H1-4: variants seen among roughly 807,000 people sequenced by gnomAD.
H1-4 encodes the protein H1.4 linker histone, cluster member, also known as histone H1.4.
A neutral mutation model predicts 7.2 loss-of-function variants in H1-4; 9 were observed. That is an observed-to-expected ratio of 1.25 (90% CI 0.75 to 2.18). The LOEUF (loss-of-function observed/expected upper bound fraction) is 2.18, where lower values mean the gene tolerates loss of function less well. Ranked by LOEUF, H1-4 falls within the 30% of genes most tolerant of loss-of-function variation. The pLI, the probability that H1-4 is intolerant of heterozygous loss-of-function variation, is 0.00. For synonymous variants in H1-4, 318 were observed against 126.6 expected, an observed-to-expected ratio of 2.51 and a Z score of -10.15; for missense variants, 646 against 287.9, an observed-to-expected ratio of 2.24 and a Z score of -9.00.
Position 26,156,803 on chromosome 6 carries a change from C to G in H1-4, c.413C>G (p.Pro138Arg). The change falls in exon 1 of 1, where the codon CCC (proline) becomes CGC (arginine). Residue 138 changes from proline to arginine, a missense_variant. Coordinates refer to ENST00000304218, the MANE Select transcript of H1-4 (RefSeq NM_005321.3). The part of the protein sequence containing the change: ...AKKPAGAAKK[P>R]KKATGAATPK... ...AAGCCAGCAGGAGCGGCGAAGAAGC[C>G]CAAGAAGGCGACGGGGGCGGCCACC... 3 of 1,610,086 alleles carry G rather than the reference C, an allele frequency of 1.9e-6. No homozygotes were observed. The highest frequency in any genetic ancestry group is 2.2e-5 in the South Asian group (2 of 90,818).
Position 26,156,756 on chromosome 6 carries a change from GGCAGGCGCGGCCAAGGCCAAGAAGCCA to G in H1-4, c.372_398del (p.Ala128_Lys136del), listed in dbSNP as rs1561965685. 1.2e-6 allele frequency: 2 copies of G among 1,613,734 alleles called. No individual in the cohort carries two copies. Among genetic ancestry groups the G allele is most frequent in the East Asian group, 2.2e-5 (1 of 44,864 alleles). ...GGGAAGCCAAGCCTAAGGCTAAAAA[GGCAGGCGCGGCCAAGGCCAAGAAGCCA>G]GCAGGAGCGGCGAAGAAGCCCAAGA... On this transcript the variant is annotated inframe_deletion, in exon 1 of 1. Transcript: ENST00000304218.
In H1-4 at chr6:26,156,963, C is replaced by G; in HGVS notation, c.573C>G (p.Ala191=). ...AGGCGCCCAAGAGCCCAGCGAAGGC[C>G]AAAGCAGTTAAACCCAAGGCGGCTA... ...PKKAPKSPAK[A]KAVKPKAAKP... Residue 191 remains alanine, a synonymous_variant, in exon 1 of 1, where the codon GCC becomes GCG. Coordinates refer to ENST00000304218, the MANE Select transcript of H1-4 (RefSeq NM_005321.3). 1 of 1,612,438 alleles carries G rather than the reference C, an allele frequency of 6.2e-7. No homozygotes were observed. The highest frequency in any genetic ancestry group is 8.5e-7 in the Non-Finnish European group (1 of 1,179,892).
At position 26,156,576 on chromosome 6, in the gene H1-4, C is replaced by T. The variant is rs200756277; in HGVS notation, c.186C>T (p.Leu62=). 1.7e-5 allele frequency: 28 copies of T among 1,614,074 alleles called. No homozygotes were observed. In the Admixed American group the frequency reaches 2.2e-4, roughly 12 times the overall value. ...GCAGCGGCGTATCTTTGGCCGCTCT[C>T]AAGAAAGCGCTGGCAGCCGCTGGCT... The part of the protein sequence containing the change: ...KERSGVSLAA[L]KKALAAAGYD... The change falls in exon 1 of 1, where the codon CTC becomes CTT. Residue 62 remains leucine (L), a synonymous_variant. Coordinates refer to ENST00000304218, the MANE Select transcript of H1-4 (RefSeq NM_005321.3).
chr6:26,156,789 A>T lies in H1-4; in HGVS notation c.399A>T (p.Gly133=). Residue 133 remains glycine (G), a synonymous_variant, in exon 1 of 1, where the codon GGA becomes GGT. Coordinates refer to ENST00000304218, the MANE Select transcript of H1-4 (RefSeq NM_005321.3). ...CGGCCAAGGCCAAGAAGCCAGCAGG[A>T]GCGGCGAAGAAGCCCAAGAAGGCGA... is the stretch of plus-strand genomic sequence containing the variant. ...AGAAKAKKPA[G]AAKKPKKATG... is the part of the protein sequence containing the mutation. The T allele has an allele frequency of 6.2e-7, 1 of 1,611,938 alleles. No homozygotes were observed. Among genetic ancestry groups the T allele is most frequent in the Middle Eastern group, 1.7e-4 (1 of 5,880 alleles).
Position 26,156,900 on chromosome 6 carries a change from G to C in H1-4, c.510G>C (p.Ala170=). Reference sequence around the variant, plus strand: ...CTGCAGCTGCTGGAGCCAAAAAAGCGAAAAGCCCGAAAAAGGCGAAAGCAG... The same window carrying C: ...CTGCAGCTGCTGGAGCCAAAAAAGCCAAAAGCCCGAAAAAGGCGAAAGCAG... ...KPAAAAGAKK[A]KSPKKAKAAK... The change falls in exon 1 of 1, where the codon GCG becomes GCC. Residue 170 remains alanine (A), a synonymous_variant. Transcript: ENST00000304218. 1 of 1,606,652 alleles carries C rather than the reference G, an allele frequency of 6.2e-7. No homozygotes were observed. Among genetic ancestry groups the C allele is most frequent in the Non-Finnish European group, 8.5e-7 (1 of 1,177,538 alleles).
rs919941742 is a variant in H1-4, at chr6:26,156,544, A to C, written c.154A>C (p.Lys52Gln). 6.2e-7 allele frequency: 1 copy of C among 1,614,018 alleles called. No individual in the cohort carries two copies. The highest frequency in any genetic ancestry group is 8.5e-7 in the Non-Finnish European group (1 of 1,180,020). The change falls in exon 1 of 1, where the codon AAG (lysine) becomes CAG (glutamine). Residue 52 changes from lysine (K) to glutamine (Q), a missense_variant. Lys to Gln is a moderately conservative substitution (Grantham distance 53). Transcript: ENST00000304218. ...ELITKAVAASKERSGVSLAAL... is the reference protein window; with the variant it reads ...ELITKAVAASQERSGVSLAAL... ...CATTACTAAAGCTGTTGCCGCCTCC[A>C]AGGAGCGCAGCGGCGTATCTTTGGC...
At position 26,156,784 on chromosome 6, in the gene H1-4, G is replaced by A. The variant is rs952833782; in HGVS notation, c.394G>A (p.Ala132Thr). 3 of 1,612,170 alleles carry A rather than the reference G, an allele frequency of 1.9e-6. No individual in the cohort carries two copies. The highest frequency in any genetic ancestry group is 1.7e-6 in the Non-Finnish European group (2 of 1,179,204). ...AGGCGCGGCCAAGGCCAAGAAGCCA[G>A]CAGGAGCGGCGAAGAAGCCCAAGAA... ...KAGAAKAKKPAGAAKKPKKAT... is the reference protein window; with the variant it reads ...KAGAAKAKKPTGAAKKPKKAT... The change falls in exon 1 of 1, where the codon GCA (alanine) becomes ACA (threonine). Residue 132 changes from alanine to threonine, a missense_variant. Ala to Thr is a moderately conservative substitution (Grantham distance 58). Transcript: ENST00000304218.
Position 26,156,488 on chromosome 6 carries a change from G to A in H1-4, c.98G>A (p.Arg33His), listed in dbSNP as rs1388499417. ...KARKSAGAAKRKASGPPVSEL... is the reference protein window; with the variant it reads ...KARKSAGAAKHKASGPPVSEL... ...CGCAAGTCTGCAGGTGCGGCCAAGC[G>A]CAAAGCGTCTGGGCCCCCGGTGTCC... Residue 33 changes from arginine (R) to histidine (H), a missense_variant, in exon 1 of 1, where the codon CGC becomes CAC. Physicochemically the swap from Arg to His is conservative, Grantham distance 29 (BLOSUM62 0). Coordinates refer to ENST00000304218, the MANE Select transcript of H1-4 (RefSeq NM_005321.3). 4 of 1,613,458 alleles carry A rather than the reference G, an allele frequency of 2.5e-6. No homozygotes were observed. The highest frequency in any genetic ancestry group is 3.4e-6 in the Non-Finnish European group (4 of 1,179,894).
At position 26,157,010 on chromosome 6, in the gene H1-4, A is replaced by AGGCAGCCAAGCCAAAGAAGGC. The variant is rs1764207310; in HGVS notation, c.631_651dup (p.Pro211_Lys217dup). The stretch of plus-strand genomic sequence containing the variant: ...GCTAAACCAAAGACCGCCAAGCCCA[A>AGGCAGCCAAGCCAAAGAAGGC]GGCAGCCAAGCCAAAGAAGGCGGCA... On this transcript the variant is annotated inframe_insertion, in exon 1 of 1. Transcript: ENST00000304218. 1.9e-6 allele frequency: 3 copies of AGGCAGCCAAGCCAAAGAAGGC among 1,590,586 alleles called. No homozygotes were observed. Among genetic ancestry groups the AGGCAGCCAAGCCAAAGAAGGC allele is most frequent in the Non-Finnish European group, 2.6e-6 (3 of 1,174,348 alleles).
At position 26,156,867 on chromosome 6, in the gene H1-4, G is replaced by A; in HGVS notation, c.477G>A (p.Lys159=). The change falls in exon 1 of 1, where the codon AAG becomes AAA. Residue 159 remains lysine, a synonymous_variant. Transcript: ENST00000304218. ...KSAKKTPKKA[K]KPAAAAGAKK... ...CCAAGAAGACCCCAAAGAAGGCGAA[G>A]AAGCCGGCTGCAGCTGCTGGAGCCA... The A allele has an allele frequency of 2.5e-6, 4 of 1,607,786 alleles. No individual in the cohort carries two copies. The highest frequency in any genetic ancestry group is 1.1e-5 in the South Asian group (1 of 90,698).
chr6:26,157,080 CCAACA>C lies in H1-4; in HGVS notation c.*35_*39del, dbSNP rs768164650. The C allele has an allele frequency of 6.4e-7, 1 of 1,565,580 alleles. No homozygotes were observed. The highest frequency in any genetic ancestry group is 1.2e-5 in the South Asian group (1 of 82,600). ...TTCCTTTGGCCAACTGCTTAGAAGC[CCAACA>C]CAACCCAAAGGCTCTTTTCAGAGCC... On this transcript the variant is annotated 3_prime_UTR_variant, in exon 1 of 1. Transcript: ENST00000304218.
chr6:26,156,728 C>G lies in H1-4; in HGVS notation c.338C>G (p.Ser113Cys), dbSNP rs1249170384. The G allele has an allele frequency of 6.2e-7, 1 of 1,614,056 alleles. No homozygotes were observed. Among genetic ancestry groups the G allele is most frequent in the African/African-American group, 1.3e-5 (1 of 74,942 alleles). Residue 113 changes from serine to cysteine, a missense_variant, in exon 1 of 1, where the codon TCT (serine) becomes TGT (cysteine). Coordinates refer to ENST00000304218, the MANE Select transcript of H1-4 (RefSeq NM_005321.3). ...TTCAAACTCAACAAGAAGGCGGCCT[C>G]TGGGGAAGCCAAGCCTAAGGCTAAA... ...GSFKLNKKAASGEAKPKAKKA... is the reference protein window; with the variant it reads ...GSFKLNKKAACGEAKPKAKKA...
In H1-4 at chr6:26,156,420, T is replaced by A; in HGVS notation, c.30T>A (p.Ala10=). 6.3e-7 allele frequency: 1 copy of A among 1,592,686 alleles called. No individual in the cohort carries two copies. Among genetic ancestry groups the A allele is most frequent in the Non-Finnish European group, 8.6e-7 (1 of 1,169,138 alleles). Residue 10 remains alanine (A), a synonymous_variant, in exon 1 of 1, where the codon GCT becomes GCA. Transcript: ENST00000304218. Reference sequence around the variant, plus strand: ...CCGAGACTGCGCCTGCCGCGCCCGCTGCTCCGGCCCCTGCCGAGAAGACTC... The same window carrying A: ...CCGAGACTGCGCCTGCCGCGCCCGCAGCTCCGGCCCCTGCCGAGAAGACTC... MSETAPAAP[A]APAPAEKTPV...
In H1-4 at chr6:26,156,542, C is replaced by T. The variant is rs1764175922; in HGVS notation, c.152C>T (p.Ser51Phe). 1.2e-6 allele frequency: 2 copies of T among 1,614,126 alleles called. No homozygotes were observed. The highest frequency in any genetic ancestry group is 1.7e-6 in the Non-Finnish European group (2 of 1,180,018). ...SELITKAVAASKERSGVSLAA... is the reference protein window; with the variant it reads ...SELITKAVAAFKERSGVSLAA... The stretch of plus-strand genomic sequence containing the variant: ...CTCATTACTAAAGCTGTTGCCGCCT[C>T]CAAGGAGCGCAGCGGCGTATCTTTG... The change falls in exon 1 of 1, where the codon TCC becomes TTC. Residue 51 changes from serine to phenylalanine, a missense_variant. Physicochemically the swap from Ser to Phe is radical, Grantham distance 155 (BLOSUM62 -2). Coordinates refer to ENST00000304218, the MANE Select transcript of H1-4 (RefSeq NM_005321.3).
Position 26,156,345 on chromosome 6 carries a change from C to T in H1-4, c.-46C>T, listed in dbSNP as rs774359672. The T allele has an allele frequency of 2.5e-5, 38 of 1,497,422 alleles. No individual in the cohort carries two copies. Among genetic ancestry groups the T allele is most frequent in the East Asian group, 9.1e-5 (4 of 44,002 alleles). The allele number at this position is 1,497,422 out of a possible 1,614,324, so 92.8% of individuals were successfully genotyped here. On this transcript the variant is annotated 5_prime_UTR_variant, in exon 1 of 1. Coordinates refer to ENST00000304218, the MANE Select transcript of H1-4 (RefSeq NM_005321.3). ...GCCGCGGCTCGAGTCCCGGCCAGTG[C>T]CTCTGCTTCCGGCTCGAATTGCTCT...
rs561949254 is a variant in H1-4 at position 26,156,638 on chromosome 6, G to T, written c.248G>T (p.Gly83Val). The change falls in exon 1 of 1, where the codon GGT becomes GTT. Residue 83 changes from glycine (G) to valine (V), a missense_variant. Coordinates refer to ENST00000304218, the MANE Select transcript of H1-4 (RefSeq NM_005321.3). The part of the protein sequence containing the change: ...VEKNNSRIKL[G>V]LKSLVSKGTL... ...AAGAACAACAGCCGCATCAAGCTGG[G>T]TCTCAAGAGCCTGGTGAGCAAGGGC... The T allele has an allele frequency of 1.2e-6, 2 of 1,614,268 alleles. No individual in the cohort carries two copies. Among genetic ancestry groups the T allele is most frequent in the East Asian group, 2.2e-5 (1 of 44,882 alleles).
Position 26,156,561 on chromosome 6 carries a change from A to C in H1-4, c.171A>C (p.Val57=). 6.2e-7 allele frequency: 1 copy of C among 1,614,170 alleles called. No individual in the cohort carries two copies. The highest frequency in any genetic ancestry group is 8.5e-7 in the Non-Finnish European group (1 of 1,180,022). The change falls in exon 1 of 1, where the codon GTA becomes GTC. Residue 57 remains valine (V), a synonymous_variant. Transcript: ENST00000304218. ...CCGCCTCCAAGGAGCGCAGCGGCGT[A>C]TCTTTGGCCGCTCTCAAGAAAGCGC... is the stretch of plus-strand genomic sequence containing the variant. The part of the protein sequence containing the change: ...AVAASKERSG[V]SLAALKKALA...
Position 26,156,571 on chromosome 6 carries a change from GCT to G in H1-4, c.185_186del (p.Leu62GlnfsTer10), listed in dbSNP as rs1561965341. ...SKERSGVSLA[A>X]LKKALAAAGY... ...GGAGCGCAGCGGCGTATCTTTGGCC[GCT>G]CTCAAGAAAGCGCTGGCAGCCGCTG... On this transcript the variant is annotated frameshift_variant, in exon 1 of 1. Coordinates refer to ENST00000304218, the MANE Select transcript of H1-4 (RefSeq NM_005321.3). LOFTEE classifies it high-confidence loss of function. The G allele has an allele frequency of 6.2e-7, 1 of 1,614,132 alleles. No homozygotes were observed. The highest frequency in any genetic ancestry group is 8.5e-7 in the Non-Finnish European group (1 of 1,180,008).
In H1-4 at chr6:26,156,563, C is replaced by A; in HGVS notation, c.173C>A (p.Ser58Tyr). ...VAASKERSGV[S>Y]LAALKKALAA... Reference sequence around the variant, plus strand: ...GCCTCCAAGGAGCGCAGCGGCGTATCTTTGGCCGCTCTCAAGAAAGCGCTG... The same window carrying A: ...GCCTCCAAGGAGCGCAGCGGCGTATATTTGGCCGCTCTCAAGAAAGCGCTG... The change falls in exon 1 of 1, where the codon TCT becomes TAT. Residue 58 changes from serine to tyrosine, a missense_variant. By Grantham distance (144) the Ser-to-Tyr change is moderately radical. Transcript: ENST00000304218. The A allele has an allele frequency of 6.2e-7, 1 of 1,614,176 alleles. No individual in the cohort carries two copies. Among genetic ancestry groups the A allele is most frequent in the Non-Finnish European group, 8.5e-7 (1 of 1,180,022 alleles).
Sources: allele counts gnomAD v4.1 joint callset, GRCh38; gene constraint gnomAD v4.1.1; transcripts MANE v1.5; gene names NCBI Gene and HGNC (gene_info 2026-07-23, HGNC 2026-07-21).